The following IPO11 variants were observed in gnomAD, a reference collection of about 807,000 sequenced individuals.
IPO11 encodes the protein importin-11.
In IPO11, 66 loss-of-function variants were observed where a neutral mutation model predicts 143.2. The ratio of observed to expected loss-of-function variants is 0.46; its 90% confidence interval spans 0.38 to 0.57. The LOEUF is 0.57. IPO11 is among the 20% of genes least tolerant of loss of function. The pLI is 0.00. For missense variants in IPO11, 1,026 were observed against 1,141.0 expected (o/e 0.90, Z 1.45); for synonymous variants, 385 against 377.8 (o/e 1.02, Z -0.22).
At chr5:62,455,353 G>T (rs550595340) in intron 5 of IPO11, among the ~76,000 whole-genome samples, 4 of 152,030 alleles carry the variant, frequency 2.6e-5, no homozygotes, top group African/African-American at 9.6e-5. Context: ...AACCCTGTCT[G>T]TACTAAAAAT....
chr5:62,419,051 A>G, intron 1 of IPO11: 2 of 1,551,342 alleles, frequency 1.3e-6, no homozygotes, highest in East Asian at 2.4e-5. Flanking sequence ...TATGTGGTAT[A>G]TAGCTTATTG....
chr5:62,515,301 A>G, intron 19 of IPO11, 87 bp from the exon 20 acceptor site: 2 of 754,172 alleles, frequency 2.7e-6, no homozygotes, highest in Admixed American at 4.9e-5. Context: ...GCTGTCTGGG[A>G]CTTAATAGTG....
chr5:62,557,629 GA>G (rs1415857489), intron 26 of IPO11, among the ~76,000 whole-genome samples: 1 of 152,186 alleles, frequency 6.6e-6, no homozygotes, highest in Non-Finnish European at 1.5e-5. Flanking sequence ...AGCTAATCCA[GA>G]TCTTACAATG....
Position 62,550,357 on chromosome 5 carries a change from T to C in IPO11, c.2251-10T>C, listed in dbSNP as rs777045684. ...CAGTATTATCACCAATCTTTCTTTC[T>C]GGTTTTTAGGTTGTGGAAAATGCCC... On this transcript the variant is annotated splice_polypyrimidine_tract_variant and intron_variant, in intron 24 of 29. Coordinates refer to ENST00000325324, the MANE Select transcript of IPO11 (RefSeq NM_016338.5). 3.8e-6 allele frequency: 6 copies of C among 1,595,602 alleles called. No individual in the cohort carries two copies. The South Asian group carries it at 5.6e-5, about 15-fold the overall frequency.
At chr5:62,456,038 C>CT (rs940485088) in intron 5 of IPO11, among the ~76,000 whole-genome samples, 4 of 151,812 alleles carry the variant, frequency 2.6e-5, no homozygotes, top group African/African-American at 4.8e-5. Flanking sequence ...AATTCATTTT[C>CT]TTTTTTTTGA....
At chr5:62,451,262 T>C (rs1180868907) in intron 4 of IPO11, among the ~76,000 whole-genome samples, 1 of 152,224 alleles carries the variant, frequency 6.6e-6, no homozygotes, top group African/African-American at 2.4e-5. Flanking sequence ...TTTACTGTAT[T>C]ATAAATTAAA....
intron 29 of IPO11, among the ~76,000 whole-genome samples, chr5:62,621,444 C>T (rs1195102757): frequency 1.3e-5 from 2 of 152,202 alleles, no homozygotes; most frequent in African/African-American, 4.8e-5. Flanking sequence ...GCTCCTCCCC[C>T]TGCAAATGGG....
intron 27 of IPO11, among the ~76,000 whole-genome samples, chr5:62,584,732 GTTTTGTTTTTTGT>G (rs1466431985): frequency 2.9e-5 from 4 of 138,518 alleles, no homozygotes; most frequent in South Asian, 2.3e-4. Flanking sequence ...AGCTTTTTTT[GTTTTGTTTTTTGT>G]TTTTGTTTTT....
At chr5:62,467,094 A>G in intron 5 of IPO11, 37 bp from the exon 6 acceptor site, 1 of 1,581,874 alleles carries the variant, frequency 6.3e-7, no homozygotes, top group Non-Finnish European at 8.6e-7. Context: ...GAAATGTATA[A>G]TACACTATGA....
intron 27 of IPO11, among the ~76,000 whole-genome samples, chr5:62,565,779 A>C (rs1355155545): frequency 5.2e-4 from 67 of 129,018 alleles, no homozygotes; most frequent in African/African-American, 9.5e-4. Context: ...CCCCTCCCTC[A>C]CCCCCTACCC....
chr5:62,508,039 T>C (rs1741615481), intron 19 of IPO11, among the ~76,000 whole-genome samples: 1 of 152,250 alleles, frequency 6.6e-6, no homozygotes, highest in Non-Finnish European at 1.5e-5. Context: ...CCTATCATTT[T>C]TATCATTGTT....
intron 21 of IPO11, 43 bp downstream of exon 21, chr5:62,526,300 G>C: frequency 7.4e-7 from 1 of 1,353,480 alleles, no homozygotes; most frequent in South Asian, 1.2e-5. Context: ...TTTTATTCGT[G>C]ACCTTTCCTA....
Position 62,506,307 on chromosome 5 carries a change from A to G in IPO11, c.1732A>G (p.Met578Val). 2.5e-6 allele frequency: 4 copies of G among 1,611,496 alleles called. No homozygotes were observed. Among genetic ancestry groups the G allele is most frequent in the Non-Finnish European group, 3.4e-6 (4 of 1,178,464 alleles). Reference sequence around the variant, plus strand: ...GCAAGTTACAGAATGTGACACAAAGATGCATGTTTTGCATGTCCTTTCTTG... The same window carrying G: ...GCAAGTTACAGAATGTGACACAAAGGTGCATGTTTTGCATGTCCTTTCTTG... The part of the protein sequence containing the change: ...LQQVTECDTK[M>V]HVLHVLSCVI... Residue 578 changes from methionine to valine, a missense_variant, in exon 19 of 30, where the codon ATG becomes GTG. By Grantham distance (21) the Met-to-Val change is conservative (BLOSUM62 1). Around this residue, in one of 5 missense-constraint regions of IPO11, gnomAD observed 237 missense variants for 288.0 expected, o/e 0.82. Transcript: ENST00000325324.
In IPO11 at chr5:62,604,243, C is replaced by T. The variant is rs182987809; in HGVS notation, c.2763+2395C>T. On this transcript the variant is annotated intron_variant, in intron 29 of 29. Transcript: ENST00000325324. ...TTTTGTTTTGCAATGGAGTCTCGCTCTATCACCCAGGCTGGAGTGCAGTGG... is the reference window on the plus strand; with the variant it reads ...TTTTGTTTTGCAATGGAGTCTCGCTTTATCACCCAGGCTGGAGTGCAGTGG... 2.5e-4 allele frequency among the ~76,000 whole-genome samples: 38 copies of T among 152,296 alleles called. 1 individual carries two copies. The East Asian group carries it at 3.3e-3, about 13-fold the overall frequency.
intron 1 of IPO11, among the ~76,000 whole-genome samples, chr5:62,424,493 C>T (rs1271862941): frequency 6.5e-5 from 9 of 139,510 alleles, no homozygotes; most frequent in Admixed American, 1.4e-4. Flanking sequence ...AGTGCAATGG[C>T]GTGATCTTGG....
intron 27 of IPO11, chr5:62,580,226 G>T: frequency 6.4e-7 from 1 of 1,550,448 alleles, no homozygotes; most frequent in South Asian, 1.2e-5. Context: ...AAAAATTCAA[G>T]AATTAGGAAT....
At chr5:62,430,382 A>G (rs1170796984) in intron 1 of IPO11, among the ~76,000 whole-genome samples, 1 of 151,982 alleles carries the variant, frequency 6.6e-6, no homozygotes, top group Non-Finnish European at 1.5e-5. Flanking sequence ...TATCTTTTTG[A>G]TTATAGCAGT....
intron 29 of IPO11, among the ~76,000 whole-genome samples, chr5:62,613,608 G>A (rs1746013457): frequency 6.6e-6 from 1 of 151,994 alleles, no homozygotes; most frequent in Non-Finnish European, 1.5e-5. Context: ...TGGCACACAT[G>A]CTCTTCTTAA....
At chr5:62,486,998 A>G (rs958271645) in intron 12 of IPO11, among the ~76,000 whole-genome samples, 3 of 152,146 alleles carry the variant, frequency 2.0e-5, no homozygotes, top group Non-Finnish European at 2.9e-5. Flanking sequence ...TGAACGATCT[A>G]GTGATTAAAT....
Sources: allele counts gnomAD v4.1 joint callset (sites outside exome capture counted in the v4.1 genomes callset), GRCh38; gene constraint gnomAD v4.1.1; regional missense constraint gnomAD v4.1.1; transcripts MANE v1.5; gene names NCBI Gene and HGNC (gene_info 2026-07-23, HGNC 2026-07-21).